The following TCF7 variants were observed in gnomAD, a reference collection of about 807,000 sequenced individuals.
TCF7 encodes transcription factor 7.
Under a neutral mutation model 46.8 loss-of-function variants are expected in TCF7, and 19 were observed. That is an observed-to-expected ratio of 0.41 (90% CI 0.28 to 0.60). The LOEUF (loss-of-function observed/expected upper bound fraction) is 0.60. Among genes scored for constraint, TCF7 ranks in the 20% least tolerant of loss-of-function variants. The pLI is 0.35. For synonymous variants in TCF7, 245 were observed against 213.4 expected (o/e 1.15, Z -1.29); for missense variants, 547 against 504.6 (o/e 1.08, Z -0.81).
In TCF7 at chr5:134,115,042, C is replaced by A; in HGVS notation, c.136C>A (p.Arg46Ser). The A allele has an allele frequency of 8.1e-7, 1 of 1,237,504 alleles. No homozygotes were observed. The highest frequency in any genetic ancestry group is 1.0e-6 in the Non-Finnish European group (1 of 964,960). 76.7% of individuals were successfully genotyped at this position (1,237,504 alleles called of 1,614,324 possible). Residue 46 changes from arginine to serine, a missense_variant, in exon 1 of 10, where the codon CGC becomes AGC. Physicochemically the swap from Arg to Ser is moderately radical, Grantham distance 110. Around this residue, in one of 3 missense-constraint regions of TCF7, gnomAD observed 425 missense variants for 349.9 expected, o/e 1.21. Coordinates refer to ENST00000342854, the MANE Select transcript of TCF7 (RefSeq NM_003202.5). ...CCGCGACAGCGCCGCCGGTCCCGAG[C>A]GCGACCTGGCCGAGCTCAAGTCGTC... ...KSRDSAAGPE[R>S]DLAELKSSLV...
intron 3 of TCF7, among the ~76,000 whole-genome samples, chr5:134,129,142 T>C (rs1477753922): frequency 2.0e-5 from 3 of 152,230 alleles, no homozygotes; most frequent in Non-Finnish European, 4.4e-5. Flanking sequence ...TGTGCTTCAC[T>C]TTCCTCGTCT....
chr5:134,116,249 TG>T (rs1169137538), intron 3 of TCF7, among the ~76,000 whole-genome samples: 6 of 152,254 alleles, frequency 3.9e-5, no homozygotes, highest in Admixed American at 3.9e-4. Flanking sequence ...CTCTGCCTCT[TG>T]GCTTTTGTCT....
intron 3 of TCF7, among the ~76,000 whole-genome samples, chr5:134,122,894 C>G (rs1420864270): frequency 6.6e-6 from 1 of 152,200 alleles, no homozygotes; most frequent in Non-Finnish European, 1.5e-5. Context: ...AGGGACTTAT[C>G]CAAGGCCCCT....
upstream of TCF7, among the ~76,000 whole-genome samples, chr5:134,109,725 G>A (rs1470829696): frequency 1.3e-5 from 2 of 149,766 alleles, no homozygotes; most frequent in Non-Finnish European, 2.9e-5. Flanking sequence ...AGCCGAGATC[G>A]TGCCACTGCC....
chr5:134,138,809 C>A, intron 4 of TCF7, 142 bp from the exon 5 acceptor site: 1 of 1,321,552 alleles, frequency 7.6e-7, no homozygotes. Flanking sequence ...TGGGATCCTC[C>A]TGAATAAACT....
chr5:134,122,255 G>A (rs114650223), intron 3 of TCF7, among the ~76,000 whole-genome samples: 1,563 of 152,208 alleles, frequency 0.01, 22 homozygotes, highest in African/African-American at 0.035. Context: ...AATTTAGGGC[G>A]GTTTGCCCCT....
In TCF7 at chr5:134,115,107, G is replaced by C. The variant is rs751948996; in HGVS notation, c.201G>C (p.Gly67=). 68 of 1,042,380 alleles carry C rather than the reference G, an allele frequency of 6.5e-5. No individual in the cohort carries two copies. In the East Asian group the frequency reaches 4.3e-3, roughly 67 times the overall value. The allele number at this position is 1,042,380 out of a possible 1,614,324, so 64.6% of individuals were successfully genotyped here. A position where few individuals can be genotyped will look rare whatever the true frequency, so the allele number is the denominator to read the frequency against. ...NESEGAAGGA[G]IPGVPGAGAG... The stretch of plus-strand genomic sequence containing the variant: ...CCGAGGGCGCGGCCGGCGGCGCAGG[G>C]ATCCCGGGGGTCCCGGGGGCCGGCG... Residue 67 remains glycine (G), a synonymous_variant, in exon 1 of 10, where the codon GGG becomes GGC. Coordinates refer to ENST00000342854, the MANE Select transcript of TCF7 (RefSeq NM_003202.5).
intron 3 of TCF7, among the ~76,000 whole-genome samples, chr5:134,125,249 C>T (rs1363102664): frequency 1.3e-5 from 2 of 152,220 alleles, no homozygotes; most frequent in Non-Finnish European, 2.9e-5. Context: ...GCCTGCTGGG[C>T]CGCCATCTGA....
At chr5:134,125,275 C>A (rs1757189700) in intron 3 of TCF7, among the ~76,000 whole-genome samples, 1 of 152,360 alleles carries the variant, frequency 6.6e-6, no homozygotes, top group South Asian at 2.1e-4. Flanking sequence ...ATTACTGATG[C>A]TTTGTAAACT....
intron 3 of TCF7, among the ~76,000 whole-genome samples, chr5:134,118,998 T>C (rs530429503): frequency 3.3e-5 from 5 of 152,158 alleles, no homozygotes; most frequent in Non-Finnish European, 7.4e-5. Context: ...GCCTGGACTT[T>C]GGTTTGGTTT....
chr5:134,136,086 G>A (rs1414450462), intron 3 of TCF7, among the ~76,000 whole-genome samples: 1 of 152,186 alleles, frequency 6.6e-6, no homozygotes, highest in Non-Finnish European at 1.5e-5. Context: ...AATGAGGGCT[G>A]AGAACTAGGG....
chr5:134,139,484 C>T (rs950355776), intron 5 of TCF7: 1 of 162,186 alleles, frequency 6.2e-6, no homozygotes, highest in African/African-American at 2.4e-5. Context: ...TGGTCCTTTC[C>T]TTGGCTGAGC....
Position 134,147,924 on chromosome 5 carries a change from CGA to C in TCF7, c.*1624_*1625del, listed in dbSNP as rs1272552763. ...CCGGGAGGCGGAGGTTCCAGTGAGC[CGA>C]GATGGCGCTATTGCACTCCAGTCTG... is the stretch of plus-strand genomic sequence containing the variant. On this transcript the variant is annotated 3_prime_UTR_variant, in exon 10 of 10. Coordinates refer to ENST00000342854, the MANE Select transcript of TCF7 (RefSeq NM_003202.5). The C allele has an allele frequency of 7.4e-6, 1 of 135,334 alleles. No individual in the cohort carries two copies. Among genetic ancestry groups the C allele is most frequent in the Non-Finnish European group, 1.5e-5 (1 of 66,024 alleles). The allele number at this position is 135,334 out of a possible 1,614,324, so 8.4% of individuals were successfully genotyped here.
chr5:134,115,869 GCCAGGGCTGGTGTGT>G, intron 2 of TCF7, 25 bp from the exon 3 acceptor site: 1 of 1,613,008 alleles, frequency 6.2e-7, no homozygotes, highest in Non-Finnish European at 8.5e-7. Flanking sequence ...CCCAGCCGCT[GCCAGGGCTGGTGTGT>G]CTGACCCAGC....
Position 134,114,831 on chromosome 5 carries a change from C to T in TCF7, c.-76C>T. ...AGCTCGGAGGTTCGGACTCCGGGCT[C>T]GCCGCCCCCCGGGCCGGCTCCGCGC... is the stretch of plus-strand genomic sequence containing the variant. On this transcript the variant is annotated 5_prime_UTR_variant, in exon 1 of 10. Coordinates refer to ENST00000342854, the MANE Select transcript of TCF7 (RefSeq NM_003202.5). 2.0e-6 allele frequency: 2 copies of T among 980,330 alleles called. No individual in the cohort carries two copies. The highest frequency in any genetic ancestry group is 3.5e-5 in the African/African-American group (2 of 56,688). 60.7% of individuals were successfully genotyped at this position (980,330 alleles called of 1,614,324 possible).
chr5:134,116,346 G>A (rs1297488451), intron 3 of TCF7, among the ~76,000 whole-genome samples: 1 of 152,224 alleles, frequency 6.6e-6, no homozygotes, highest in Non-Finnish European at 1.5e-5. Flanking sequence ...CTTTTGAGCC[G>A]AGACCACCCT....
At chr5:134,115,620 C>A in intron 2 of TCF7, 1 of 1,433,184 alleles carries the variant, frequency 7.0e-7, no homozygotes. Flanking sequence ...CCCGCCTCCC[C>A]TCCTGCCCAG....
At chr5:134,119,778 C>T (rs1213215569) in intron 3 of TCF7, among the ~76,000 whole-genome samples, 5 of 152,240 alleles carry the variant, frequency 3.3e-5, no homozygotes, top group Non-Finnish European at 7.3e-5. Context: ...GCCAGCCTGT[C>T]CGAGGAGCTT....
chr5:134,135,737 T>C (rs1561679916), intron 3 of TCF7, among the ~76,000 whole-genome samples: 1 of 152,116 alleles, frequency 6.6e-6, no homozygotes, highest in Admixed American at 6.5e-5. Flanking sequence ...GTAGAGTTCC[T>C]AGAAGTGGGG....
Sources: gnomAD v4.1 joint callset for allele counts (sites outside exome capture counted in the v4.1 genomes callset) on GRCh38, gnomAD v4.1.1 for gene constraint, gnomAD v4.1.1 regional missense constraint, MANE v1.5 for transcripts, NCBI Gene and HGNC (gene_info 2026-07-23, HGNC 2026-07-21) for gene names.